The following LMO7 variants were observed in gnomAD, a reference collection of about 807,000 sequenced individuals.
LMO7 encodes LIM domain only protein 7.
A neutral mutation model predicts 206.5 loss-of-function variants in LMO7; 120 were observed. The observed-to-expected ratio is 0.58, with a 90% CI of 0.50 to 0.68. The LOEUF is 0.68. Ranked by LOEUF, LMO7 falls within the 30% of genes least tolerant of loss-of-function variation. The probability of loss-of-function intolerance (pLI) is 0.00; values close to 1 mark genes in which losing one functional copy is unlikely to be tolerated. For missense variants in LMO7, 1,959 were observed against 1,957.9 expected (o/e 1.00, Z -0.01); for synonymous variants, 706 against 681.5 (o/e 1.04, Z -0.56).
At chr13:75,831,494 C>T (rs2058665524) in intron 15 of LMO7, among the ~76,000 whole-genome samples, 1 of 152,052 alleles carries the variant, frequency 6.6e-6, no homozygotes, top group Non-Finnish European at 1.5e-5. Context: ...TAACAGAATA[C>T]CTGAAACTGA....
intron 1 of LMO7, among the ~76,000 whole-genome samples, chr13:75,638,326 C>T (rs1173771846): frequency 6.6e-6 from 1 of 151,990 alleles, no homozygotes; most frequent in Non-Finnish European, 1.5e-5. Context: ...TCCCTGCTTG[C>T]TCATAATTAT....
At chr13:75,790,798 G>T (rs1339428983) in intron 4 of LMO7, among the ~76,000 whole-genome samples, 1 of 152,102 alleles carries the variant, frequency 6.6e-6, no homozygotes. Flanking sequence ...CCCTTTGCCA[G>T]AAAGCAAAGG....
At chr13:75,759,168 G>T (rs2047938021) in intron 3 of LMO7, among the ~76,000 whole-genome samples, 1 of 152,054 alleles carries the variant, frequency 6.6e-6, no homozygotes, top group Admixed American at 6.6e-5. Context: ...ACAGCATGGG[G>T]GAAACTGCCC....
chr13:75,656,288 G>A (rs2038056784), intron 1 of LMO7, among the ~76,000 whole-genome samples: 1 of 152,072 alleles, frequency 6.6e-6, no homozygotes, highest in Non-Finnish European at 1.5e-5. Context: ...GGAGGTGTTT[G>A]GTTTGGATTT....
chr13:75,849,551 A>G (rs1370283030), intron 27 of LMO7, among the ~76,000 whole-genome samples: 3 of 150,930 alleles, frequency 2.0e-5, no homozygotes, highest in Non-Finnish European at 4.4e-5. Flanking sequence ...AGACGCTGAC[A>G]AAATCACATG....
chr13:75,828,585 T>G (rs1443010018), intron 15 of LMO7, among the ~76,000 whole-genome samples: 3 of 152,316 alleles, frequency 2.0e-5, no homozygotes, highest in Middle Eastern at 3.4e-3. Context: ...TTACCAGAAC[T>G]GAAATGTAGA....
intron 1 of LMO7, among the ~76,000 whole-genome samples, chr13:75,646,260 G>C (rs557535921): frequency 6.7e-4 from 102 of 152,164 alleles, no homozygotes; most frequent in Non-Finnish European, 1.4e-3. Context: ...AATGGATCCA[G>C]AATCTGACCA....
In LMO7 at chr13:75,734,500, T is replaced by G. The variant is rs561289169; in HGVS notation, c.210+7402T>G. On this transcript the variant is annotated intron_variant, in intron 3 of 30. Transcript: ENST00000377534. ...CATTCAGGAAGCTTCTGTTTGACCA[T>G]TCATGTGTTTACAGATGTTAAAGGC... Among the ~76,000 whole-genome samples, 31 of 152,312 alleles carry G rather than the reference T, an allele frequency of 2.0e-4. 1 individual carries two copies. In the South Asian group the frequency reaches 6.2e-3, roughly 31 times the overall value.
intron 4 of LMO7, among the ~76,000 whole-genome samples, chr13:75,776,938 A>T (rs1324943820): frequency 6.6e-6 from 1 of 152,226 alleles, no homozygotes; most frequent in Non-Finnish European, 1.5e-5. Flanking sequence ...AAATCAGAAT[A>T]CCAGAGCTGG....
In LMO7 at chr13:75,636,458, C is replaced by A. The variant is rs2035864729; in HGVS notation, c.-200C>A. 6.3e-6 allele frequency: 9 copies of A among 1,419,832 alleles called. No individual in the cohort carries two copies. The highest frequency in any genetic ancestry group is 7.3e-6 in the Non-Finnish European group (8 of 1,093,294). 88.0% of individuals were successfully genotyped at this position (1,419,832 alleles called of 1,614,324 possible). On this transcript the variant is annotated 5_prime_UTR_variant, in exon 1 of 31. Transcript: ENST00000377534. ...AGGAGTTTAGAGAAAGCCAGGTCTT[C>A]ACGTTCGTGTAGGTTCGAGACCTTA...
At chr13:75,633,894 C>A (rs1237200348), upstream of LMO7, among the ~76,000 whole-genome samples, 2 of 121,026 alleles carry the variant, frequency 1.7e-5, no homozygotes, top group African/African-American at 6.3e-5. Context: ...TGTCCCCAGG[C>A]TGGAGTGCAG....
intron 4 of LMO7, among the ~76,000 whole-genome samples, chr13:75,790,946 AT>A (rs35450911): frequency 0.56 from 84,851 of 150,268 alleles, 24,495 homozygotes; most frequent in East Asian, 0.92. Context: ...CAAGATAGGT[AT>A]TTTTTTTTGC....
intron 1 of LMO7, among the ~76,000 whole-genome samples, chr13:75,641,093 CA>C (rs1192461983): frequency 4.6e-5 from 7 of 152,194 alleles, no homozygotes; most frequent in African/African-American, 1.7e-4. Context: ...AGGCAGCCTC[CA>C]TGAAAAGCAG....
chr13:75,770,499 A>G (rs999084300), intron 4 of LMO7, among the ~76,000 whole-genome samples: 3 of 152,012 alleles, frequency 2.0e-5, no homozygotes, highest in Non-Finnish European at 4.4e-5. Flanking sequence ...GAGAAATAAA[A>G]CCTACTCCTT....
intron 3 of LMO7, among the ~76,000 whole-genome samples, chr13:75,747,330 C>T (rs139972623): frequency 6.6e-6 from 1 of 152,180 alleles, no homozygotes; most frequent in African/African-American, 2.4e-5. Context: ...TGGTTCATTA[C>T]AGCTCACAGG....
At chr13:75,833,346 T>C (rs898667340) in intron 16 of LMO7, among the ~76,000 whole-genome samples, 181 bp downstream of exon 16, 37 of 152,160 alleles carry the variant, frequency 2.4e-4, no homozygotes, top group African/African-American at 8.7e-4. Flanking sequence ...AAATTCCATA[T>C]TGTTTATTCT....
rs924947332 is a variant in LMO7 at position 75,821,343 on chromosome 13, A to G, written c.2374A>G (p.Lys792Glu). The G allele has an allele frequency of 2.5e-6, 4 of 1,614,190 alleles. No homozygotes were observed. The highest frequency in any genetic ancestry group is 1.3e-5 in the African/African-American group (1 of 75,064). The change falls in exon 14 of 31, where the codon AAA becomes GAA. Residue 792 changes from lysine to glutamate, a missense_variant. Physicochemically the swap from Lys to Glu is moderately conservative, Grantham distance 56. Coordinates refer to ENST00000377534, the MANE Select transcript of LMO7 (RefSeq NM_001306080.2). ...KGATYPSEIP[K>E]EDSTTFAKRE... Reference sequence around the variant, plus strand: ...AGCAACTTATCCTTCAGAAATTCCCAAAGAAGATTCTACCACTTTTGCAAA... The same window carrying G: ...AGCAACTTATCCTTCAGAAATTCCCGAAGAAGATTCTACCACTTTTGCAAA...
At chr13:75,757,832 G>C (rs1461696941) in intron 3 of LMO7, among the ~76,000 whole-genome samples, 1 of 102,052 alleles carries the variant, frequency 9.8e-6, no homozygotes, top group South Asian at 3.1e-4. Flanking sequence ...GTGTGTGTGT[G>C]TGTGTGTGTA....
chr13:75,755,542 T>C (rs944630002), intron 3 of LMO7, among the ~76,000 whole-genome samples: 1 of 152,182 alleles, frequency 6.6e-6, no homozygotes, highest in South Asian at 2.1e-4. Context: ...GGAGGGCACA[T>C]TGACATCCCT....
Sources: gnomAD v4.1 joint callset for allele counts (sites outside exome capture counted in the v4.1 genomes callset) on GRCh38, gnomAD v4.1.1 for gene constraint, MANE v1.5 for transcripts, NCBI Gene and HGNC (gene_info 2026-07-23, HGNC 2026-07-21) for gene names.